Variants in ATRNL1 observed in about 807,000 individuals in gnomAD.
ATRNL1 encodes attractin-like protein 1.
Under a neutral mutation model 182.7 loss-of-function variants are expected in ATRNL1, and 95 were observed. That is an observed-to-expected ratio of 0.52 (90% CI 0.44 to 0.62). The LOEUF (loss-of-function observed/expected upper bound fraction) is 0.62. ATRNL1 is among the 20% of genes least tolerant of loss of function. The pLI is 0.00. For missense variants in ATRNL1, 1,471 were observed against 1,679.5 expected (o/e 0.88, Z 2.17); for synonymous variants, 576 against 568.3 (o/e 1.01, Z -0.19).
intron 19 of ATRNL1, among the ~76,000 whole-genome samples, chr10:115,389,615 G>T (rs1287007354): frequency 2.6e-5 from 3 of 114,518 alleles, no homozygotes; most frequent in Non-Finnish European, 5.1e-5. Context: ...GGACACCTAG[G>T]TTGCATCTAT....
chr10:115,132,074 T>TC (rs1466445779), intron 5 of ATRNL1, among the ~76,000 whole-genome samples: 1 of 139,084 alleles, frequency 7.2e-6, no homozygotes, highest in Non-Finnish European at 1.6e-5. Context: ...ATTCTATCCC[T>TC]CCCCCCTCCC....
intron 5 of ATRNL1, among the ~76,000 whole-genome samples, chr10:115,143,215 A>G (rs1845822515): frequency 6.6e-6 from 1 of 152,146 alleles, no homozygotes; most frequent in Non-Finnish European, 1.5e-5. Context: ...TAGGCATATA[A>G]ATTCCTTTCT....
At chr10:115,888,109 T>C (rs1188315020) in intron 28 of ATRNL1, among the ~76,000 whole-genome samples, 1 of 152,194 alleles carries the variant, frequency 6.6e-6, no homozygotes, top group African/African-American at 2.4e-5. Flanking sequence ...CTAGACTTGT[T>C]CTGTGCCGAG....
chr10:115,722,310 C>T (rs1023076105), intron 26 of ATRNL1, among the ~76,000 whole-genome samples: 3 of 152,034 alleles, frequency 2.0e-5, no homozygotes, highest in Admixed American at 6.5e-5. Context: ...TTCCAAACCA[C>T]TCCCATAATG....
chr10:115,401,150 G>A (rs1042409970), intron 20 of ATRNL1, among the ~76,000 whole-genome samples: 1 of 151,980 alleles, frequency 6.6e-6, no homozygotes, highest in Non-Finnish European at 1.5e-5. Context: ...TAATTGGGGA[G>A]TGCTACTGGC....
In ATRNL1 at chr10:115,915,290, C is replaced by T. The variant is rs531030296; in HGVS notation, c.4019-29368C>T. Among the ~76,000 whole-genome samples, 829 of 151,688 alleles carry T rather than the reference C, an allele frequency of 5.5e-3. 5 individuals carry two copies. The highest frequency in any genetic ancestry group is 6.2e-3 in the Non-Finnish European group (421 of 67,956). On this transcript the variant is annotated intron_variant, in intron 28 of 28. Transcript: ENST00000355044. ...GCGGGCGCCTGTAGTCCCAGCTACT[C>T]GGGAGGCTGAGGCAGGAGAATGGCA...
intron 26 of ATRNL1, among the ~76,000 whole-genome samples, chr10:115,566,669 T>C (rs1173630972): frequency 6.6e-6 from 1 of 152,174 alleles, no homozygotes; most frequent in Non-Finnish European, 1.5e-5. Flanking sequence ...TAGGTTACTT[T>C]ATCAGTCGGC....
chr10:115,284,036 T>G (rs1222662268), intron 14 of ATRNL1, among the ~76,000 whole-genome samples: 1 of 152,226 alleles, frequency 6.6e-6, no homozygotes, highest in East Asian at 1.9e-4. Context: ...GCCCAGTCTG[T>G]AGAGCAGTTG....
chr10:115,917,612 G>A (rs757191331), intron 28 of ATRNL1, among the ~76,000 whole-genome samples: 26 of 152,024 alleles, frequency 1.7e-4, no homozygotes, highest in Non-Finnish European at 2.8e-4. Flanking sequence ...TGTTTTCAAC[G>A]AGAGAGGTTA....
chr10:115,836,057 A>G (rs1201673242), intron 27 of ATRNL1, among the ~76,000 whole-genome samples: 1 of 152,182 alleles, frequency 6.6e-6, no homozygotes, highest in East Asian at 1.9e-4. Flanking sequence ...CCAACGTATA[A>G]CGTATACTAC....
chr10:115,254,488 T>C (rs1271161862), intron 10 of ATRNL1, among the ~76,000 whole-genome samples: 2 of 151,636 alleles, frequency 1.3e-5, no homozygotes, highest in Non-Finnish European at 2.9e-5. Flanking sequence ...GGGTTGTTTG[T>C]TTTTTTCTTG....
intron 26 of ATRNL1, among the ~76,000 whole-genome samples, chr10:115,576,630 T>C (rs782754331): frequency 2.6e-5 from 4 of 152,076 alleles, no homozygotes; most frequent in Non-Finnish European, 5.9e-5. Flanking sequence ...ATGTTTTGGA[T>C]ATGAACCCCT....
chr10:115,447,652 T>C (rs1847069403), intron 21 of ATRNL1, among the ~76,000 whole-genome samples: 1 of 151,922 alleles, frequency 6.6e-6, no homozygotes, highest in Admixed American at 6.6e-5. Context: ...TTTCTACAGG[T>C]ATAACATTTA....
At chr10:115,797,147 AT>A (rs1421738293) in intron 27 of ATRNL1, among the ~76,000 whole-genome samples, 1 of 152,128 alleles carries the variant, frequency 6.6e-6, no homozygotes, top group Non-Finnish European at 1.5e-5. Context: ...ACAAGCTTTT[AT>A]TTGTGTCTTT....
chr10:115,582,142 C>T (rs535662517), intron 26 of ATRNL1, among the ~76,000 whole-genome samples: 18 of 152,030 alleles, frequency 1.2e-4, no homozygotes, highest in Non-Finnish European at 1.9e-4. Context: ...TCCAGTCTAT[C>T]ATTGTTGGGC....
intron 28 of ATRNL1, among the ~76,000 whole-genome samples, chr10:115,915,248 A>G (rs1952810418): frequency 6.6e-6 from 1 of 152,074 alleles, no homozygotes; most frequent in Non-Finnish European, 1.5e-5. Flanking sequence ...ATACAAAAAA[A>G]TTAGCCAGGC....
chr10:115,328,936 C>G (rs1327429593), intron 18 of ATRNL1, among the ~76,000 whole-genome samples: 1 of 152,036 alleles, frequency 6.6e-6, no homozygotes, highest in Non-Finnish European at 1.5e-5. Context: ...CATTGAAGTG[C>G]TGATGTCTCT....
chr10:115,763,669 G>T (rs1948787611), intron 27 of ATRNL1, among the ~76,000 whole-genome samples: 1 of 151,998 alleles, frequency 6.6e-6, no homozygotes, highest in African/African-American at 2.4e-5. Flanking sequence ...ATAAGAAAAT[G>T]TGTGTGTGTC....
At chr10:115,917,625 T>C (rs1952911545) in intron 28 of ATRNL1, among the ~76,000 whole-genome samples, 1 of 152,190 alleles carries the variant, frequency 6.6e-6, no homozygotes, top group African/African-American at 2.4e-5. Flanking sequence ...AGAGGTTATT[T>C]AAATGGATAA....
Sources: gnomAD v4.1 joint callset for allele counts (sites outside exome capture counted in the v4.1 genomes callset) on GRCh38, gnomAD v4.1.1 for gene constraint, MANE v1.5 for transcripts, NCBI Gene and HGNC (gene_info 2026-07-23, HGNC 2026-07-21) for gene names.